TGFBRAP1: variants seen among roughly 807,000 people sequenced by gnomAD.
TGFBRAP1 encodes transforming growth factor beta receptor associated protein 1.
In TGFBRAP1, 20 loss-of-function variants were observed where a neutral mutation model predicts 83.2. The observed-to-expected ratio is 0.24, with a 90% CI of 0.17 to 0.35. The LOEUF (loss-of-function observed/expected upper bound fraction) is 0.35, where lower values mean the gene tolerates loss of function less well. TGFBRAP1 is among the 10% of genes least tolerant of loss of function. The pLI is 1.00. For synonymous variants in TGFBRAP1, 415 were observed against 459.8 expected, an observed-to-expected ratio of 0.90 and a Z score of 1.25; for missense variants, 950 against 1,099.4, an observed-to-expected ratio of 0.86 and a Z score of 1.92.
chr2:105,319,078 T>A (rs111410608), intron 1 of TGFBRAP1, among the ~76,000 whole-genome samples: 13 of 152,040 alleles, frequency 8.6e-5, no homozygotes, highest in Admixed American at 2.6e-4. Context: ...TGTGTGTGTG[T>A]GAGACAGAGT....
intron 5 of TGFBRAP1, 120 bp downstream of exon 5, chr2:105,284,196 T>G (rs1403367744): frequency 1.1e-6 from 1 of 910,854 alleles, no homozygotes; most frequent in East Asian, 2.5e-5. Flanking sequence ...CCCCACCGTA[T>G]CCACCTGAAG....
intron 1 of TGFBRAP1, among the ~76,000 whole-genome samples, chr2:105,311,892 G>A (rs1024569563): frequency 1.3e-5 from 2 of 150,952 alleles, no homozygotes; most frequent in Admixed American, 6.6e-5. Flanking sequence ...TGGGTGACAG[G>A]AGCAAAACTC....
At chr2:105,251,271 G>A in the TGFBRAP1 span, among the ~76,000 whole-genome samples, 4 of 138,860 alleles carry the variant, frequency 2.9e-5, no homozygotes, top group African/African-American at 5.5e-5. Context: ...GCTGCCCATC[G>A]TCTGGGATGT....
rs200632750 is a variant in TGFBRAP1, at chr2:105,273,709, T to C, written c.1666-19A>G. The C allele has an allele frequency of 2.0e-4, 318 of 1,612,012 alleles. No homozygotes were observed. In the African/African-American group the frequency reaches 3.8e-3, roughly 19 times the overall value. ...CTCCGACCTGAAAGAGGAGCGACAATACAGTGACTGTGCTTCCCAAACCCA... is the reference window on the plus strand; with the variant it reads ...CTCCGACCTGAAAGAGGAGCGACAACACAGTGACTGTGCTTCCCAAACCCA... On this transcript the variant is annotated intron_variant, in intron 8 of 11. Transcript: ENST00000393359.
chr2:105,295,448 G>A (rs17030766), intron 4 of TGFBRAP1, among the ~76,000 whole-genome samples: 35,820 of 152,076 alleles, frequency 0.24, 4,428 homozygotes, highest in Middle Eastern at 0.28. Context: ...GTTTTTAGGA[G>A]ACCCGATTTA....
intron 1 of TGFBRAP1, among the ~76,000 whole-genome samples, chr2:105,323,291 C>T (rs1420348396): frequency 6.6e-6 from 1 of 152,118 alleles, no homozygotes. Context: ...CTGACACCCA[C>T]CTCTGGCTTT....
At chr2:105,250,422 A>G in the TGFBRAP1 span, among the ~76,000 whole-genome samples, 3 of 152,170 alleles carry the variant, frequency 2.0e-5, no homozygotes, top group African/African-American at 7.2e-5. Context: ...TCTAGGAAAA[A>G]TAACCAAGTT....
At chr2:105,270,608 G>A (rs1214201753) in intron 10 of TGFBRAP1, among the ~76,000 whole-genome samples, 3 of 152,224 alleles carry the variant, frequency 2.0e-5, no homozygotes, top group Admixed American at 2.0e-4. Context: ...TCAAATTATA[G>A]GCATTTGAAT....
chr2:105,305,498 T>C (rs1043882295), intron 2 of TGFBRAP1, among the ~76,000 whole-genome samples: 1 of 152,140 alleles, frequency 6.6e-6, no homozygotes, highest in Non-Finnish European at 1.5e-5. Flanking sequence ...TCCAGAGAAT[T>C]AGTTAAGTCC....
chr2:105,269,837 C>G lies in TGFBRAP1; in HGVS notation c.1973-132G>C. On this transcript the variant is annotated intron_variant, in intron 10 of 11. Coordinates refer to ENST00000393359, the MANE Select transcript of TGFBRAP1 (RefSeq NM_004257.6). This position sits in a 1 kb window ranked among gnomAD's most constrained non-coding sequence, Gnocchi z 4.1. ...GCTCCCTCACAATGCCAAATGCTGC[C>G]ACCCAGATGACTGAGGGTAGGTTTT... is the stretch of plus-strand genomic sequence containing the variant. 2.0e-6 allele frequency: 2 copies of G among 977,364 alleles called. No individual in the cohort carries two copies. The highest frequency in any genetic ancestry group is 3.3e-5 in the African/African-American group (2 of 61,154). 60.5% of individuals were successfully genotyped at this position (977,364 alleles called of 1,614,324 possible).
chr2:105,293,559 G>A (rs1028816998), intron 4 of TGFBRAP1, among the ~76,000 whole-genome samples: 3 of 152,130 alleles, frequency 2.0e-5, no homozygotes, highest in Non-Finnish European at 4.4e-5. Context: ...TCCCTTCCTG[G>A]TTTCTCTAAG....
Position 105,269,374 on chromosome 2 carries a change from TG to T in TGFBRAP1, c.2303del (p.Pro768HisfsTer3), listed in dbSNP as rs1677064328. ...PDTWSVQLLC[P>X]FLMGAMRDSI... ...TGTCCCTCATGGCCCCCATCAGGAA[TG>T]GGCAGAGGAGCTGCACTGACCAGGT... is the stretch of plus-strand genomic sequence containing the variant. On this transcript the variant is annotated frameshift_variant, in exon 11 of 12. Coordinates refer to ENST00000393359, the MANE Select transcript of TGFBRAP1 (RefSeq NM_004257.6). LOFTEE classifies it high-confidence loss of function. The surrounding 1 kb of genome is among the most constrained non-coding windows in gnomAD (Gnocchi z 4.1). 6.2e-7 allele frequency: 1 copy of T among 1,613,886 alleles called. No homozygotes were observed. The highest frequency in any genetic ancestry group is 1.3e-5 in the African/African-American group (1 of 74,882).
At chr2:105,296,264 T>C in intron 4 of TGFBRAP1, 92 bp downstream of exon 4, 2 of 1,492,652 alleles carry the variant, frequency 1.3e-6, no homozygotes, top group South Asian at 2.4e-5. Context: ...TACAGCCCGG[T>C]ACACAGGAAG....
chr2:105,262,774 G>T (rs922279171), downstream of TGFBRAP1, among the ~76,000 whole-genome samples: 27 of 152,212 alleles, frequency 1.8e-4, no homozygotes, highest in African/African-American at 6.5e-4. Flanking sequence ...ACTGCAGGCT[G>T]AATGATAGCT....
In TGFBRAP1 at chr2:105,300,868, C is replaced by A. The variant is rs183493102; in HGVS notation, c.689-2163G>T. ...TTTAGTGTACATTAAAGGCCATCAT[C>A]AGTGAGGAAAAGATAGACTCTTTAA... On this transcript the variant is annotated intron_variant, in intron 2 of 11. Transcript: ENST00000393359. Among the ~76,000 whole-genome samples the A allele has an allele frequency of 1.5e-3, 223 of 152,280 alleles. 2 individuals are homozygous for A. Among genetic ancestry groups the A allele is most frequent in the African/African-American group, 5.2e-3 (217 of 41,552 alleles).
chr2:105,329,455 C>A, intron 1 of TGFBRAP1, among the ~76,000 whole-genome samples, 170 bp downstream of exon 1: 1 of 143,842 alleles, frequency 7.0e-6, no homozygotes, highest in East Asian at 2.2e-4. Flanking sequence ...GCCACTTGCT[C>A]CCCCCACCCC....
intron 1 of TGFBRAP1, among the ~76,000 whole-genome samples, chr2:105,328,281 T>C (rs1277787028): frequency 1.3e-5 from 2 of 152,178 alleles, no homozygotes; most frequent in East Asian, 1.9e-4. Flanking sequence ...ATAGATGACC[T>C]GGGGCAGGCT....
At chr2:105,304,284 T>G (rs1678411107) in intron 2 of TGFBRAP1, among the ~76,000 whole-genome samples, 1 of 152,136 alleles carries the variant, frequency 6.6e-6, no homozygotes. Context: ...AAACTGAGAG[T>G]GCCTGATGCT....
At chr2:105,274,956 T>C (rs890862126) in intron 8 of TGFBRAP1, among the ~76,000 whole-genome samples, 2 of 152,208 alleles carry the variant, frequency 1.3e-5, no homozygotes, top group Non-Finnish European at 1.5e-5. Context: ...TGGTCACCTG[T>C]GGGGCTTTAC....
Sources: gnomAD v4.1 joint callset for allele counts (sites outside exome capture counted in the v4.1 genomes callset) on GRCh38, gnomAD v4.1.1 for gene constraint, Gnocchi (gnomAD v3.1) non-coding constraint, MANE v1.5 for transcripts, NCBI Gene and HGNC (gene_info 2026-07-23, HGNC 2026-07-21) for gene names.